The following CYP4F12 variants were observed in gnomAD, a reference collection of about 807,000 sequenced individuals.
The protein encoded by CYP4F12 is cytochrome P450 4F12.
A neutral mutation model predicts 56.5 loss-of-function variants in CYP4F12; 60 were observed. That is an observed-to-expected ratio of 1.06 (90% CI 0.86 to 1.32). The LOEUF (loss-of-function observed/expected upper bound fraction) is 1.32, where lower values mean the gene tolerates loss of function less well. CYP4F12 is among the 40% of genes most tolerant of loss of function. CYP4F12 has a pLI of 0.00. For missense variants in CYP4F12, 711 were observed against 683.5 expected (o/e 1.04, Z -0.45); for synonymous variants, 263 against 264.9 (o/e 0.99, Z 0.07).
intron 9 of CYP4F12, among the ~76,000 whole-genome samples, chr19:15,685,742 C>G (rs1245453049): frequency 1.3e-5 from 2 of 152,126 alleles, no homozygotes; most frequent in East Asian, 3.9e-4. Context: ...CATGTTCAGT[C>G]AATGAATTTT....
At chr19:15,694,926 T>C (rs1167451183) in intron 9 of CYP4F12, among the ~76,000 whole-genome samples, 3 of 152,218 alleles carry the variant, frequency 2.0e-5, no homozygotes, top group African/African-American at 7.2e-5. Context: ...AGTTCAACCA[T>C]GGTGGAAGTC....
At chr19:15,683,952 A>G (rs1278766246) in intron 7 of CYP4F12, 189 bp downstream of exon 7, 1 of 575,264 alleles carries the variant, frequency 1.7e-6, no homozygotes, top group African/African-American at 1.9e-5. Flanking sequence ...TAATTCTGAA[A>G]CTGTGAGGAG....
chr19:15,688,449 CA>C (rs1421745947), intron 9 of CYP4F12, among the ~76,000 whole-genome samples: 1 of 151,846 alleles, frequency 6.6e-6, no homozygotes, highest in African/African-American at 2.4e-5. Context: ...CAGTGCTGGA[CA>C]AAACCATAGA....
intron 2 of CYP4F12, among the ~76,000 whole-genome samples, chr19:15,675,656 T>C (rs1364363001): frequency 2.6e-5 from 4 of 152,192 alleles, no homozygotes; most frequent in African/African-American, 9.6e-5. Context: ...CTTTGGTATT[T>C]ACCCTTGGAT....
chr19:15,689,209 G>C (rs141386629), intron 9 of CYP4F12, among the ~76,000 whole-genome samples: 30 of 150,880 alleles, frequency 2.0e-4, no homozygotes, highest in African/African-American at 7.1e-4. Flanking sequence ...ATCTGACAAA[G>C]GGCTAGTATC....
chr19:15,690,095 A>AT (rs2007804581), intron 9 of CYP4F12, among the ~76,000 whole-genome samples: 1 of 152,234 alleles, frequency 6.6e-6, no homozygotes, highest in Non-Finnish European at 1.5e-5. Flanking sequence ...CCCAAATGCT[A>AT]TTGAAATAAA....
chr19:15,695,989 G>A lies in CYP4F12; in HGVS notation c.1169G>A (p.Arg390Lys), dbSNP rs2008113648. The A allele has an allele frequency of 1.2e-6, 2 of 1,614,048 alleles. No homozygotes were observed. The highest frequency in any genetic ancestry group is 1.7e-5 in the Admixed American group (1 of 59,996). ...FLTMCVKESLRLHPPAPFISR... is the reference protein window; with the variant it reads ...FLTMCVKESLKLHPPAPFISR... ...ACCATGTGCGTGAAGGAGAGCCTGA[G>A]GTTACATCCCCCAGCTCCCTTCATC... The change falls in exon 10 of 13, where the codon AGG (arginine) becomes AAG (lysine). Residue 390 changes from arginine (R) to lysine (K), a missense_variant. Arg to Lys is a conservative substitution (Grantham distance 26). Transcript: ENST00000550308.
intron 9 of CYP4F12, among the ~76,000 whole-genome samples, chr19:15,691,876 C>T (rs626223): frequency 0.57 from 86,784 of 152,012 alleles, 25,126 homozygotes; most frequent in East Asian, 0.71. Flanking sequence ...TATTCACATG[C>T]CCGTCTCTGA....
At chr19:15,673,756 G>T in intron 2 of CYP4F12, 29 bp downstream of exon 2, 1 of 1,610,866 alleles carries the variant, frequency 6.2e-7, no homozygotes, top group South Asian at 1.1e-5. Flanking sequence ...TGTGTCTGGG[G>T]TCTCAGGGTG....
In CYP4F12 at chr19:15,683,569, C is replaced by T. The variant is rs61731192; in HGVS notation, c.724C>T (p.His242Tyr). The T allele has an allele frequency of 1.7e-3, 2,728 of 1,614,036 alleles. 38 individuals carry two copies. The African/African-American group carries it at 0.032, about 19-fold the overall frequency. Residue 242 changes from histidine to tyrosine, a missense_variant, in exon 7 of 13, where the codon CAC (histidine) becomes TAC (tyrosine). Physicochemically the swap from His to Tyr is moderately conservative, Grantham distance 83. Transcript: ENST00000550308. ...VEKRSQHILQHMDFLYYLSHD... is the reference protein window; with the variant it reads ...VEKRSQHILQYMDFLYYLSHD... ...GAAAAGAAGCCAGCATATCCTCCAG[C>T]ACATGGACTTTCTGTATTACCTCTC...
intron 5 of CYP4F12, chr19:15,682,133 T>G (rs658837): frequency 0.012 from 4,445 of 357,444 alleles, 18 homozygotes; most frequent in African/African-American, 0.084. Flanking sequence ...GAGGGCAATA[T>G]GTTGACCAAG....
chr19:15,677,103 A>G (rs1405901634), intron 2 of CYP4F12, among the ~76,000 whole-genome samples: 6 of 117,176 alleles, frequency 5.1e-5, no homozygotes, highest in African/African-American at 1.6e-4. Flanking sequence ...TCACTCACTC[A>G]TTCCTCTGCT....
chr19:15,695,503 T>A (rs116985938), intron 9 of CYP4F12, among the ~76,000 whole-genome samples: 437 of 112,634 alleles, frequency 3.9e-3, no homozygotes, highest in African/African-American at 0.018. Context: ...ATAATAATAA[T>A]AAAAAAAAAA....
chr19:15,683,844 C>A, intron 7 of CYP4F12, 81 bp downstream of exon 7: 1 of 1,472,018 alleles, frequency 6.8e-7, no homozygotes, highest in Non-Finnish European at 9.0e-7. Context: ...TGGTTTTGAT[C>A]CAAAGGGCAC....
rs539421257 is a variant in CYP4F12 at position 15,685,156 on chromosome 19, G to A, written c.1074G>A (p.Val358=). 32 of 1,614,144 alleles carry A rather than the reference G, an allele frequency of 2.0e-5. 1 individual carries two copies. The East Asian group carries it at 7.1e-4, about 36-fold the overall frequency. ...PEYQERCRQE[V]QELLKDRDPK... ...ACCAGGAGCGCTGCCGACAGGAGGT[G>A]CAAGAGCTTCTGAAGGACCGCGATC... is the stretch of plus-strand genomic sequence containing the variant. The change falls in exon 9 of 13, where the codon GTG becomes GTA. Residue 358 remains valine, a synonymous_variant. Transcript: ENST00000550308.
rs780373753 is a variant in CYP4F12 at position 15,673,666 on chromosome 19, G to A, written c.137G>A (p.Arg46His). Reference protein sequence around the residue: ...AWTYAFYNNCRRLQCFPQPPK... With the variant: ...AWTYAFYNNCHRLQCFPQPPK... ...ACCTATGCCTTCTATAACAACTGCC[G>A]CCGGCTCCAGTGTTTCCCACAGCCC... The change falls in exon 2 of 13, where the codon CGC becomes CAC. Residue 46 changes from arginine (R) to histidine (H), a missense_variant. By Grantham distance (29) the Arg-to-His change is conservative. Coordinates refer to ENST00000550308, the MANE Select transcript of CYP4F12 (RefSeq NM_023944.4). The A allele has an allele frequency of 1.9e-5, 31 of 1,613,962 alleles. No homozygotes were observed. Among genetic ancestry groups the A allele is most frequent in the African/African-American group, 1.2e-4 (9 of 74,896 alleles).
In CYP4F12 at chr19:15,696,023, C is replaced by T. The variant is rs769952066; in HGVS notation, c.1203C>T (p.Cys401=). ...CCCCAGCTCCCTTCATCTCCCGATG[C>T]TGCACCCAGGACATTGTTCTCCCAG... ...LHPPAPFISR[C]CTQDIVLPDG... Residue 401 remains cysteine, a synonymous_variant, in exon 10 of 13, where the codon TGC becomes TGT. Transcript: ENST00000550308. 1.9e-6 allele frequency: 3 copies of T among 1,614,050 alleles called. No homozygotes were observed. The highest frequency in any genetic ancestry group is 1.7e-5 in the Admixed American group (1 of 59,994).
intron 3 of CYP4F12, among the ~76,000 whole-genome samples, chr19:15,679,420 C>T (rs185959670): frequency 0.014 from 2,194 of 152,150 alleles, no homozygotes; most frequent in African/African-American, 0.051. Context: ...AACCATGGGT[C>T]CTAGCAGCTC....
At chr19:15,695,797 C>T in intron 9 of CYP4F12, 139 bp from the exon 10 acceptor site, 1 of 1,285,632 alleles carries the variant, frequency 7.8e-7, no homozygotes, top group Non-Finnish European at 1.0e-6. Flanking sequence ...TTGTTTTCTG[C>T]TTTTTAAAAT....
Sources: allele counts gnomAD v4.1 joint callset (sites outside exome capture counted in the v4.1 genomes callset), GRCh38; gene constraint gnomAD v4.1.1; transcripts MANE v1.5; gene names NCBI Gene and HGNC (gene_info 2026-07-23, HGNC 2026-07-21).